Variants in UGT1A1 observed in about 807,000 individuals in gnomAD.
UGT1A1 encodes UDP glucuronosyltransferase family 1 member A1.
In UGT1A1, 33 loss-of-function variants were observed where a neutral mutation model predicts 40.6. That is an observed-to-expected ratio of 0.81 (90% CI 0.62 to 1.09). UGT1A1 has a LOEUF of 1.09. Ranked by LOEUF, UGT1A1 falls within the 50% of genes least tolerant of loss-of-function variation. UGT1A1 has a pLI of 0.00. For synonymous variants in UGT1A1, 249 were observed against 265.0 expected, an observed-to-expected ratio of 0.94 and a Z score of 0.59; for missense variants, 694 against 671.2, an observed-to-expected ratio of 1.03 and a Z score of -0.38.
At chr2:233,767,390 G>C (rs946979684) in intron 2 of UGT1A1, among the ~76,000 whole-genome samples, 5 of 152,078 alleles carry the variant, frequency 3.3e-5, no homozygotes, top group Admixed American at 2.6e-4. Context: ...ACACTCAGAA[G>C]TATCATTTTC....
At chr2:233,762,916 A>C (rs1698195607) in intron 1 of UGT1A1, among the ~76,000 whole-genome samples, 2 of 152,252 alleles carry the variant, frequency 1.3e-5, no homozygotes, top group African/African-American at 4.8e-5. Flanking sequence ...TATTGAATTT[A>C]TTAGAATCTC....
At position 233,769,913 on chromosome 2, in the gene UGT1A1, C is replaced by A. The variant is rs1699980310; in HGVS notation, c.1304+1474C>A. The A allele has an allele frequency of 6.7e-6, 2 of 297,578 alleles. No homozygotes were observed. The highest frequency in any genetic ancestry group is 2.1e-5 in the African/African-American group (1 of 46,750). The allele number at this position is 297,578 out of a possible 1,614,324, so 18.4% of individuals were successfully genotyped here. A position where few individuals can be genotyped will look rare whatever the true frequency, so the allele number is the denominator to read the frequency against. On this transcript the variant is annotated intron_variant, in intron 4 of 4. Coordinates refer to ENST00000305208, the MANE Select transcript of UGT1A1 (RefSeq NM_000463.3). This position sits in a 1 kb window ranked among gnomAD's most constrained non-coding sequence, Gnocchi z 4.4. ...TAACCTGAGCATCATGTGCCCAGAG[C>A]GTTGGGTGGTGTGGTCCCATTCCTT... is the stretch of plus-strand genomic sequence containing the variant.
chr2:233,771,951 C>T (rs1331596370), intron 4 of UGT1A1, among the ~76,000 whole-genome samples: 1 of 152,070 alleles, frequency 6.6e-6, no homozygotes, highest in African/African-American at 2.4e-5. Context: ...CTTGTTTCTA[C>T]AAAAAATTTA....
At chr2:233,767,774 T>A in intron 2 of UGT1A1, 75 bp from the exon 3 acceptor site, 1 of 1,612,214 alleles carries the variant, frequency 6.2e-7, no homozygotes, top group Non-Finnish European at 8.5e-7. Context: ...CCCTGTTTTC[T>A]AGTTAGTATA....
rs1301858882 is a variant in UGT1A1 at position 233,760,759 on chromosome 2, C to T, written c.472C>T (p.Pro158Ser). 2.5e-6 allele frequency: 4 copies of T among 1,613,948 alleles called. No homozygotes were observed. In the African/African-American group the frequency reaches 4.0e-5, roughly 16 times the overall value. The change falls in exon 1 of 5, where the codon CCC (proline) becomes TCC (serine). Residue 158 changes from proline (P) to serine (S), a missense_variant. Physicochemically the swap from Pro to Ser is moderately conservative, Grantham distance 74. Transcript: ENST00000305208. ...MLTDPFLPCSPIVAQYLSLPT... is the reference protein window; with the variant it reads ...MLTDPFLPCSSIVAQYLSLPT... Reference sequence around the variant, plus strand: ...GACGGACCCTTTCCTTCCTTGCAGCCCCATCGTGGCCCAGTACCTGTCTCT... The same window carrying T: ...GACGGACCCTTTCCTTCCTTGCAGCTCCATCGTGGCCCAGTACCTGTCTCT...
intron 1 of UGT1A1, among the ~76,000 whole-genome samples, chr2:233,761,782 A>G (rs1423318285): frequency 1.3e-5 from 2 of 152,218 alleles, no homozygotes; most frequent in African/African-American, 4.8e-5. Context: ...ATCCTCATCG[A>G]AATCTCAGCA....
intron 3 of UGT1A1, 57 bp downstream of exon 3, chr2:233,767,993 T>G (rs2126036231): frequency 1.2e-6 from 2 of 1,614,180 alleles, no homozygotes; most frequent in Admixed American, 3.3e-5. Flanking sequence ...AGAAAATGGC[T>G]TAAGCACAGC....
At position 233,769,650 on chromosome 2, in the gene UGT1A1, C is replaced by T. The variant is rs895944755; in HGVS notation, c.1304+1211C>T. The T allele has an allele frequency of 1.9e-6, 3 of 1,606,450 alleles. No homozygotes were observed. The South Asian group carries it at 3.3e-5, about 18-fold the overall frequency. The stretch of plus-strand genomic sequence containing the variant: ...ACAACAGGGGAGGACTGATGACTGA[C>T]TTCCCACCTTTGAGGTGCTAATGTG... On this transcript the variant is annotated intron_variant, in intron 4 of 4. Transcript: ENST00000305208. The surrounding 1 kb of genome is among the most constrained non-coding windows in gnomAD (Gnocchi z 4.4).
chr2:233,768,554 T>C lies in UGT1A1; in HGVS notation c.1304+115T>C, dbSNP rs1402826015. On this transcript the variant is annotated intron_variant, in intron 4 of 4. Transcript: ENST00000305208. ...GCGTTGTTTCAAATATAAAAACAAA[T>C]ACATAAAAATCTGGATTTTTATTTC... 4 of 1,425,606 alleles carry C rather than the reference T, an allele frequency of 2.8e-6. No individual in the cohort carries two copies. In the African/African-American group the frequency reaches 5.8e-5, roughly 21 times the overall value. 88.3% of individuals were successfully genotyped at this position (1,425,606 alleles called of 1,614,324 possible). A position where few individuals can be genotyped will look rare whatever the true frequency, so the allele number is the denominator to read the frequency against.
chr2:233,772,227 T>G, intron 4 of UGT1A1, 35 bp from the exon 5 acceptor site: 7 of 1,613,472 alleles, frequency 4.3e-6, no homozygotes, highest in Non-Finnish European at 5.1e-6. Flanking sequence ...ATACCACAGG[T>G]GTTCCAGGCA....
In UGT1A1 at chr2:233,769,692, A is replaced by G; in HGVS notation, c.1304+1253A>G. On this transcript the variant is annotated intron_variant, in intron 4 of 4. Transcript: ENST00000305208. The surrounding 1 kb of genome is among the most constrained non-coding windows in gnomAD (Gnocchi z 4.4). ...GCTAATGTGTGTGTGGTGGCACTGG[A>G]TAAAAGATCAATGTTGGCTAGGCAC... 1.9e-6 allele frequency: 3 copies of G among 1,542,672 alleles called. No individual in the cohort carries two copies. Among genetic ancestry groups the G allele is most frequent in the Non-Finnish European group, 2.6e-6 (3 of 1,143,658 alleles).
rs1042710 is a variant in UGT1A1 at position 233,772,562 on chromosome 2, A to G, written c.*3A>G. The G allele has an allele frequency of 6.2e-7, 1 of 1,613,458 alleles. No homozygotes were observed. The highest frequency in any genetic ancestry group is 8.5e-7 in the Non-Finnish European group (1 of 1,179,694). On this transcript the variant is annotated 3_prime_UTR_variant, in exon 5 of 5. Transcript: ENST00000305208. ...CCCACAAATCCAAGACCCATTGAGA[A>G]GTGGGTGGGAAATAAGGTAAAATTT...
intron 1 of UGT1A1, among the ~76,000 whole-genome samples, chr2:233,763,126 A>G (rs1210244781): frequency 2.0e-5 from 3 of 152,250 alleles, no homozygotes. Flanking sequence ...CCTTTCTGGC[A>G]TTTATTGATA....
In UGT1A1 at chr2:233,769,317, C is replaced by T. The variant is rs1699835455; in HGVS notation, c.1304+878C>T. On this transcript the variant is annotated intron_variant, in intron 4 of 4. Transcript: ENST00000305208. The surrounding 1 kb of genome is among the most constrained non-coding windows in gnomAD (Gnocchi z 4.4). ...AGTTAGTATATTACTGTCAAGCTCA[C>T]TGGTAATAGGCTTATTAGAACCTTA... is the stretch of plus-strand genomic sequence containing the variant. Among the ~76,000 whole-genome samples, 1 of 152,214 alleles carries T rather than the reference C, an allele frequency of 6.6e-6. No individual in the cohort carries two copies. The highest frequency in any genetic ancestry group is 1.5e-5 in the Non-Finnish European group (1 of 68,028).
At chr2:233,767,269 G>T in intron 2 of UGT1A1, 104 bp downstream of exon 2, 1 of 1,582,682 alleles carries the variant, frequency 6.3e-7, no homozygotes, top group South Asian at 1.2e-5. Flanking sequence ...CTTAGATTTG[G>T]CTTTTCCCTG....
rs1362371317 is a variant in UGT1A1 at position 233,772,403 on chromosome 2, C to T, written c.1446C>T (p.Thr482=). The T allele has an allele frequency of 6.2e-7, 1 of 1,614,140 alleles. No individual in the cohort carries two copies. Among genetic ancestry groups the T allele is most frequent in the African/African-American group, 1.3e-5 (1 of 74,952 alleles). The part of the protein sequence containing the change: ...PHLRPAAHDL[T]WYQYHSLDVI... ...TGCGCCCCGCAGCCCACGACCTCAC[C>T]TGGTACCAGTACCATTCCTTGGACG... Residue 482 remains threonine (T), a synonymous_variant, in exon 5 of 5, where the codon ACC becomes ACT. Coordinates refer to ENST00000305208, the MANE Select transcript of UGT1A1 (RefSeq NM_000463.3).
rs375123865 is a variant in UGT1A1, at chr2:233,769,419, A to G, written c.1304+980A>G. ...TGCATATGTGCGTGTGCGTTTGTGC[A>G]TGTGGCTGTGCTCATGTGTGGGTGC... On this transcript the variant is annotated intron_variant, in intron 4 of 4. Transcript: ENST00000305208. The surrounding 1 kb of genome is among the most constrained non-coding windows in gnomAD (Gnocchi z 4.4). 1.9e-5 allele frequency: 27 copies of G among 1,449,888 alleles called. No individual in the cohort carries two copies. The highest frequency in any genetic ancestry group is 3.6e-4 in the Middle Eastern group (2 of 5,546). The allele number at this position is 1,449,888 out of a possible 1,614,324, so 89.8% of individuals were successfully genotyped here.
At chr2:233,763,485 C>G (rs763947440) in intron 1 of UGT1A1, among the ~76,000 whole-genome samples, 4 of 152,140 alleles carry the variant, frequency 2.6e-5, no homozygotes, top group Non-Finnish European at 4.4e-5. Context: ...TTGATTGTAA[C>G]TCTCTCAGTT....
intron 1 of UGT1A1, among the ~76,000 whole-genome samples, chr2:233,762,202 T>C (rs1698001296): frequency 2.0e-5 from 3 of 152,160 alleles, no homozygotes; most frequent in Admixed American, 1.3e-4. Flanking sequence ...GGTCTGCATG[T>C]ATTTGGCGCC....
Sources: gnomAD v4.1 joint callset for allele counts (sites outside exome capture counted in the v4.1 genomes callset) on GRCh38, gnomAD v4.1.1 for gene constraint, Gnocchi (gnomAD v3.1) non-coding constraint, MANE v1.5 for transcripts, NCBI Gene and HGNC (gene_info 2026-07-23, HGNC 2026-07-21) for gene names.